Variants in IFT43 observed in about 807,000 individuals in gnomAD.
IFT43 encodes the protein intraflagellar transport protein 43 homolog.
IFT43 carries 33 observed loss-of-function variants against 32.3 expected under a neutral mutation model. That is an observed-to-expected ratio of 1.02 (90% CI 0.77 to 1.37). The LOEUF (loss-of-function observed/expected upper bound fraction) is 1.37, where lower values mean the gene tolerates loss of function less well. IFT43 is among the 40% of genes most tolerant of loss of function. IFT43 has a pLI of 0.00. For synonymous variants in IFT43, 93 were observed against 98.2 expected (o/e 0.95, Z 0.31); for missense variants, 274 against 265.9 (o/e 1.03, Z -0.21).
chr14:76,042,947 A>G (rs895174038), intron 3 of IFT43, among the ~76,000 whole-genome samples: 1 of 152,142 alleles, frequency 6.6e-6, no homozygotes, highest in African/African-American at 2.4e-5. Context: ...ACCTTCTCTT[A>G]TTGGGCCACC....
chr14:76,070,912 A>G (rs1259951776), intron 5 of IFT43, among the ~76,000 whole-genome samples: 1 of 152,190 alleles, frequency 6.6e-6, no homozygotes, highest in Non-Finnish European at 1.5e-5. Context: ...CCATGAGCCA[A>G]TTAAATCTCT....
intron 5 of IFT43, among the ~76,000 whole-genome samples, chr14:76,060,726 C>A (rs1020941373): frequency 6.6e-6 from 1 of 152,146 alleles, no homozygotes; most frequent in Non-Finnish European, 1.5e-5. Context: ...TTACCAGACA[C>A]AGAATTCTAG....
chr14:76,038,345 A>T, intron 3 of IFT43, among the ~76,000 whole-genome samples: 1 of 152,084 alleles, frequency 6.6e-6, no homozygotes, highest in Non-Finnish European at 1.5e-5. Context: ...TCTCTGTCTC[A>T]ATTTCACCGT....
At chr14:76,017,150 T>A (rs2036203720) in intron 2 of IFT43, among the ~76,000 whole-genome samples, 1 of 152,208 alleles carries the variant, frequency 6.6e-6, no homozygotes, top group South Asian at 2.1e-4. Context: ...GTTCAGCTTT[T>A]CTCCATTAAG....
chr14:76,051,881 G>A (rs1310670408), intron 3 of IFT43, among the ~76,000 whole-genome samples: 1 of 152,174 alleles, frequency 6.6e-6, no homozygotes, highest in African/African-American at 2.4e-5. Flanking sequence ...GAATCATGCA[G>A]GTGCCTTCCT....
chr14:76,000,953 T>A (rs1855554517), intron 2 of IFT43, among the ~76,000 whole-genome samples: 1 of 152,190 alleles, frequency 6.6e-6, no homozygotes, highest in South Asian at 2.1e-4. Context: ...GTTGAAAATG[T>A]GGTATGGAGC....
chr14:76,019,818 T>C (rs1470321524), intron 2 of IFT43, among the ~76,000 whole-genome samples: 1 of 152,114 alleles, frequency 6.6e-6, no homozygotes, highest in Non-Finnish European at 1.5e-5. Context: ...ATTCTTTTTC[T>C]CCTGCTTGAT....
intron 3 of IFT43, among the ~76,000 whole-genome samples, chr14:76,028,037 T>G (rs2036437100): frequency 6.6e-6 from 1 of 152,086 alleles, no homozygotes; most frequent in African/African-American, 2.4e-5. Context: ...TAACTGATTC[T>G]TCATGATAAG....
intron 2 of IFT43, among the ~76,000 whole-genome samples, chr14:76,009,655 C>T (rs2036043144): frequency 6.6e-6 from 1 of 152,174 alleles, no homozygotes; most frequent in South Asian, 2.1e-4. Flanking sequence ...CAATTTGCCA[C>T]AATTCATACA....
intron 5 of IFT43, among the ~76,000 whole-genome samples, chr14:76,080,011 C>A (rs1287747433): frequency 6.6e-6 from 1 of 152,176 alleles, no homozygotes; most frequent in East Asian, 1.9e-4. Flanking sequence ...TGAGCACTTG[C>A]CTGTGATTGT....
chr14:76,009,663 A>G (rs1019145046), intron 2 of IFT43, among the ~76,000 whole-genome samples: 2 of 152,206 alleles, frequency 1.3e-5, no homozygotes, highest in South Asian at 2.1e-4. Flanking sequence ...CACAATTCAT[A>G]CATCCATAGA....
At chr14:76,066,796 T>C (rs929070706) in intron 5 of IFT43, among the ~76,000 whole-genome samples, 5 of 152,232 alleles carry the variant, frequency 3.3e-5, no homozygotes, top group African/African-American at 1.2e-4. Flanking sequence ...TAGGGATATG[T>C]GATTGGTGAC....
intron 3 of IFT43, among the ~76,000 whole-genome samples, chr14:76,043,561 C>T (rs1299194561): frequency 6.6e-6 from 1 of 152,050 alleles, no homozygotes; most frequent in Non-Finnish European, 1.5e-5. Context: ...CTGCCTCCCG[C>T]ACTTCTGAAT....
chr14:75,986,819 T>C (rs865922526), intron 1 of IFT43, among the ~76,000 whole-genome samples: 16 of 152,148 alleles, frequency 1.1e-4, no homozygotes, highest in Admixed American at 7.9e-4. Flanking sequence ...CTAAGTGTTT[T>C]GAAGGTCACC....
rs752818593 is a variant in IFT43 at position 76,076,722 on chromosome 14, T to C, written c.296-5573T>C. ...CTTTTGACTGTCAGTCTACGGGAAC[T>C]GAAAAGGATCCTTCTGGGACTTTGC... On this transcript the variant is annotated intron_variant, in intron 5 of 8. Transcript: ENST00000314067. 3 of 1,613,024 alleles carry C rather than the reference T, an allele frequency of 1.9e-6. No individual in the cohort carries two copies. The African/African-American group carries it at 4.0e-5, about 22-fold the overall frequency.
At chr14:76,022,112 G>A (rs1279244603) in intron 2 of IFT43, among the ~76,000 whole-genome samples, 2 of 152,302 alleles carry the variant, frequency 1.3e-5, no homozygotes, top group African/African-American at 2.4e-5. Context: ...TTAGCTGTGC[G>A]TGGTGGTGGG....
intron 5 of IFT43, among the ~76,000 whole-genome samples, chr14:76,062,473 A>G (rs1031255381): frequency 6.6e-6 from 1 of 152,184 alleles, no homozygotes; most frequent in Non-Finnish European, 1.5e-5. Context: ...AAAGACTGAT[A>G]TACAGACACT....
intron 2 of IFT43, among the ~76,000 whole-genome samples, chr14:75,991,139 C>T (rs2035630510): frequency 6.6e-6 from 1 of 152,066 alleles, no homozygotes; most frequent in South Asian, 2.1e-4. Context: ...TAGGAGTTCA[C>T]GACCAGCCTG....
chr14:76,029,955 C>T (rs2036477879), intron 3 of IFT43, among the ~76,000 whole-genome samples: 1 of 148,790 alleles, frequency 6.7e-6, no homozygotes, highest in African/African-American at 2.5e-5. Flanking sequence ...AATCATAGTT[C>T]ACTGTAACCC....
Sources: allele counts gnomAD v4.1 joint callset (sites outside exome capture counted in the v4.1 genomes callset), GRCh38; gene constraint gnomAD v4.1.1; transcripts MANE v1.5; gene names NCBI Gene and HGNC (gene_info 2026-07-23, HGNC 2026-07-21).